Variants in HHIP observed in about 807,000 individuals in gnomAD.
HHIP encodes hedgehog interacting protein, also known as hedgehog-interacting protein.
HHIP carries 12 observed loss-of-function variants against 74.0 expected under a neutral mutation model. The observed-to-expected ratio is 0.16, with a 90% CI of 0.10 to 0.26. The LOEUF (loss-of-function observed/expected upper bound fraction) is 0.26. Among genes scored for constraint, HHIP ranks in the 10% least tolerant of loss-of-function variants. The probability of loss-of-function intolerance (pLI) is 1.00; values close to 1 mark genes in which losing one functional copy is unlikely to be tolerated. For synonymous variants in HHIP, 309 were observed against 311.6 expected (o/e 0.99, Z 0.09); for missense variants, 788 against 845.0 (o/e 0.93, Z 0.84).
chr4:144,684,888 A>G (rs922214565), intron 4 of HHIP, among the ~76,000 whole-genome samples: 3 of 152,160 alleles, frequency 2.0e-5, no homozygotes, highest in South Asian at 2.1e-4. Context: ...TCTTGTACAC[A>G]TATTTCAAAT....
At chr4:144,734,659 T>C in intron 11 of HHIP, 82 bp from the exon 12 acceptor site, 1 of 1,183,730 alleles carries the variant, frequency 8.4e-7, no homozygotes, top group South Asian at 2.1e-5. Flanking sequence ...AGGCATGCTT[T>C]GTAAGCCACA....
At chr4:144,671,179 G>A (rs761244776) in intron 4 of HHIP, among the ~76,000 whole-genome samples, 4 of 152,130 alleles carry the variant, frequency 2.6e-5, no homozygotes, top group Non-Finnish European at 5.9e-5. Context: ...ATTTACACCC[G>A]AGGTGTCTAT....
chr4:144,733,473 A>G (rs775393886), intron 11 of HHIP, among the ~76,000 whole-genome samples: 3 of 152,168 alleles, frequency 2.0e-5, no homozygotes, highest in Non-Finnish European at 2.9e-5. Context: ...TGAGATCAGG[A>G]CCCAAATTAT....
At chr4:144,715,568 C>T in intron 10 of HHIP, 138 bp downstream of exon 10, 1 of 763,652 alleles carries the variant, frequency 1.3e-6, no homozygotes. Context: ...TGACCTACTC[C>T]AGAGATTAAG....
At chr4:144,691,786 T>TAG (rs1352130984) in intron 4 of HHIP, among the ~76,000 whole-genome samples, 15 of 151,970 alleles carry the variant, frequency 9.9e-5, no homozygotes, top group Non-Finnish European at 1.5e-5. Flanking sequence ...CAGCAATGCC[T>TAG]CCTCCAAAGC....
chr4:144,662,603 T>C (rs1421399584), intron 4 of HHIP, among the ~76,000 whole-genome samples: 1 of 152,226 alleles, frequency 6.6e-6, no homozygotes, highest in African/African-American at 2.4e-5. Flanking sequence ...TTGATGATAG[T>C]GTACTCTACA....
intron 11 of HHIP, among the ~76,000 whole-genome samples, chr4:144,720,064 T>C (rs115083136): frequency 2.5e-3 from 378 of 152,330 alleles, no homozygotes; most frequent in African/African-American, 8.5e-3. Flanking sequence ...CAGTATCACA[T>C]ATCACATATC....
intron 4 of HHIP, among the ~76,000 whole-genome samples, chr4:144,695,963 G>A (rs1297484073): frequency 1.3e-5 from 2 of 151,808 alleles, no homozygotes; most frequent in East Asian, 1.9e-4. Context: ...TCTACATAAC[G>A]TGCACGCATT....
intron 11 of HHIP, among the ~76,000 whole-genome samples, chr4:144,728,046 A>G (rs1300456888): frequency 6.6e-6 from 1 of 152,210 alleles, no homozygotes; most frequent in Non-Finnish European, 1.5e-5. Flanking sequence ...GAAAAATGTA[A>G]GTGGCTTCAT....
chr4:144,694,937 A>G (rs1729771654), intron 4 of HHIP, among the ~76,000 whole-genome samples: 1 of 151,834 alleles, frequency 6.6e-6, no homozygotes, highest in Non-Finnish European at 1.5e-5. Context: ...TATAAAAGTT[A>G]ATGGTTCTTA....
intron 7 of HHIP, 26 bp from the exon 8 acceptor site, chr4:144,711,924 A>G (rs1207414046): frequency 6.2e-7 from 1 of 1,606,344 alleles, no homozygotes. Flanking sequence ...GGTAGGAATT[A>G]ATGTGTATCC....
In HHIP at chr4:144,738,648, T is replaced by C; in HGVS notation, c.*691T>C. 1.5e-6 allele frequency: 1 copy of C among 673,918 alleles called. No homozygotes were observed. The highest frequency in any genetic ancestry group is 6.7e-5 in the South Asian group (1 of 14,882). The allele number at this position is 673,918 out of a possible 1,614,324, so 41.7% of individuals were successfully genotyped here. A position where few individuals can be genotyped will look rare whatever the true frequency, so the allele number is the denominator to read the frequency against. The stretch of plus-strand genomic sequence containing the variant: ...TCCTAAAAGGTCTGCTTTTATTGTA[T>C]ATTTTATTTAACAATAGGCACTGGG... On this transcript the variant is annotated 3_prime_UTR_variant, in exon 13 of 13. Transcript: ENST00000296575.
intron 6 of HHIP, 79 bp from the exon 7 acceptor site, chr4:144,708,089 G>A: frequency 6.9e-7 from 1 of 1,451,934 alleles, no homozygotes; most frequent in Non-Finnish European, 9.6e-7. Flanking sequence ...TTCATCAATA[G>A]AGCAACCTCA....
chr4:144,670,165 CCCCCGCAGTAATTG>C (rs1374349721), intron 4 of HHIP, among the ~76,000 whole-genome samples: 79 of 140,474 alleles, frequency 5.6e-4, no homozygotes, highest in African/African-American at 2.2e-3. Context: ...CTGAATTGGT[CCCCCGCAGTAATTG>C]GTCCCCCGCA....
chr4:144,672,595 C>T (rs888418358), intron 4 of HHIP, among the ~76,000 whole-genome samples: 1 of 152,074 alleles, frequency 6.6e-6, no homozygotes, highest in Admixed American at 6.6e-5. Flanking sequence ...AGGTCTTTGG[C>T]TTCTATACTG....
intron 11 of HHIP, among the ~76,000 whole-genome samples, chr4:144,733,368 T>C (rs145492200): frequency 6.6e-6 from 1 of 152,306 alleles, no homozygotes; most frequent in African/African-American, 2.4e-5. Flanking sequence ...ACTTTTCTTC[T>C]GGAGAAGAGC....
At chr4:144,675,663 A>G (rs1729151579) in intron 4 of HHIP, among the ~76,000 whole-genome samples, 1 of 152,116 alleles carries the variant, frequency 6.6e-6, no homozygotes, top group Non-Finnish European at 1.5e-5. Context: ...TGATTAAAAA[A>G]CATTTCATAT....
At chr4:144,734,046 A>G (rs956742534) in intron 11 of HHIP, among the ~76,000 whole-genome samples, 2 of 151,836 alleles carry the variant, frequency 1.3e-5, no homozygotes, top group African/African-American at 4.8e-5. Flanking sequence ...TACATATATA[A>G]TCATTACATA....
At chr4:144,662,514 AG>A (rs1317654294) in intron 4 of HHIP, among the ~76,000 whole-genome samples, 2 of 152,248 alleles carry the variant, frequency 1.3e-5, no homozygotes, top group Non-Finnish European at 2.9e-5. Context: ...TTTTTGCTAT[AG>A]AAAAAAAAGT....
Sources: gnomAD v4.1 joint callset for allele counts (sites outside exome capture counted in the v4.1 genomes callset) on GRCh38, gnomAD v4.1.1 for gene constraint, MANE v1.5 for transcripts, NCBI Gene and HGNC (gene_info 2026-07-23, HGNC 2026-07-21) for gene names.